PCDHA3: variants seen among roughly 807,000 people sequenced by gnomAD.
The protein encoded by PCDHA3 is protocadherin alpha 3.
In PCDHA3, 41 loss-of-function variants were observed where a neutral mutation model predicts 62.2. That is an observed-to-expected ratio of 0.66 (90% CI 0.51 to 0.86). The LOEUF (loss-of-function observed/expected upper bound fraction) is 0.86. Ranked by LOEUF, PCDHA3 falls within the 40% of genes least tolerant of loss-of-function variation. The pLI, the probability that PCDHA3 is intolerant of heterozygous loss-of-function variation, is 0.00. For missense variants in PCDHA3, 1,304 were observed against 1,241.2 expected (o/e 1.05, Z -0.76); for synonymous variants, 640 against 555.4 (o/e 1.15, Z -2.14).
intron 1 of PCDHA3, chr5:140,829,142 G>A (rs2150162942): frequency 1.2e-6 from 2 of 1,613,390 alleles, no homozygotes; most frequent in South Asian, 1.1e-5. Flanking sequence ...CCCTGAGATA[G>A]CACTGACTTC....
intron 1 of PCDHA3, among the ~76,000 whole-genome samples, chr5:140,965,764 A>G (rs2095932618): frequency 6.6e-6 from 1 of 152,258 alleles, no homozygotes; most frequent in Non-Finnish European, 1.5e-5. Flanking sequence ...AATGGGTCAA[A>G]TAATAGATTT....
intron 1 of PCDHA3, among the ~76,000 whole-genome samples, chr5:140,914,476 G>C (rs1054000684): frequency 6.6e-6 from 1 of 152,140 alleles, no homozygotes; most frequent in Non-Finnish European, 1.5e-5. Context: ...CTTCATAGGT[G>C]AAGTGTTTCT....
chr5:140,882,066 T>G (rs1198525083), intron 1 of PCDHA3: 1 of 845,446 alleles, frequency 1.2e-6, no homozygotes, highest in East Asian at 2.7e-5. Context: ...TACACGTTCA[T>G]GCGCATGGTG....
rs199848124 is a variant in PCDHA3 at position 140,875,823 on chromosome 5, C to T, written c.2394+72232C>T. 3,681 of 1,614,172 alleles carry T rather than the reference C, an allele frequency of 2.3e-3. 15 individuals carry two copies. Among genetic ancestry groups the T allele is most frequent in the Middle Eastern group, 9.6e-3 (58 of 6,062 alleles). The stretch of plus-strand genomic sequence containing the variant: ...TCGTGGACAGGCCGCTGCAGGTTTT[C>T]CATGTGGACGTGGAGGTGAAGGACA... On this transcript the variant is annotated intron_variant, in intron 1 of 3. Transcript: ENST00000522353.
intron 1 of PCDHA3, chr5:140,851,988 A>G: frequency 1.0e-6 from 1 of 975,740 alleles, no homozygotes. Flanking sequence ...AGTGCAAGCT[A>G]TTTGTTTGTT....
At chr5:140,808,464 C>A in intron 1 of PCDHA3, 1 of 1,614,164 alleles carries the variant, frequency 6.2e-7, no homozygotes, top group Non-Finnish European at 8.5e-7. Context: ...CTGGTGGTGA[C>A]CGCGCGAGAC....
At chr5:140,937,386 G>T (rs1450799946) in intron 1 of PCDHA3, among the ~76,000 whole-genome samples, 2 of 152,092 alleles carry the variant, frequency 1.3e-5, no homozygotes, top group African/African-American at 4.8e-5. Context: ...GTGTGTATGT[G>T]TATATAGGGG....
chr5:140,943,581 G>A (rs1022140100), intron 1 of PCDHA3, among the ~76,000 whole-genome samples: 1 of 152,168 alleles, frequency 6.6e-6, no homozygotes, highest in Non-Finnish European at 1.5e-5. Flanking sequence ...GTTGATCTGA[G>A]TGGGGCTGAA....
intron 1 of PCDHA3, among the ~76,000 whole-genome samples, chr5:140,826,743 G>GA (rs1245871105): frequency 1.3e-5 from 2 of 152,122 alleles, no homozygotes; most frequent in African/African-American, 4.8e-5. Flanking sequence ...TATATTGTCA[G>GA]AAAAATAAGA....
intron 1 of PCDHA3, among the ~76,000 whole-genome samples, chr5:140,879,327 A>G (rs2057945221): frequency 6.6e-6 from 1 of 152,232 alleles, no homozygotes; most frequent in South Asian, 2.1e-4. Context: ...TCACTTTTTT[A>G]GTTTGTTCAG....
chr5:140,822,736 G>A, intron 1 of PCDHA3: 1 of 1,613,386 alleles, frequency 6.2e-7, no homozygotes, highest in Non-Finnish European at 8.5e-7. Context: ...TAATATTGAT[G>A]CCATGGATAA....
chr5:140,980,317 A>G (rs1435571559), intron 2 of PCDHA3, among the ~76,000 whole-genome samples: 1 of 152,194 alleles, frequency 6.6e-6, no homozygotes, highest in Non-Finnish European at 1.5e-5. Context: ...TAAAAACTAC[A>G]TTTGAAATAA....
At chr5:140,884,368 G>T (rs2060127258) in intron 1 of PCDHA3, 1 of 1,613,864 alleles carries the variant, frequency 6.2e-7, no homozygotes, top group Non-Finnish European at 8.5e-7. Context: ...ATGTTTACTT[G>T]ATCATTGCCA....
chr5:140,882,681 A>G, intron 1 of PCDHA3: 1 of 1,614,176 alleles, frequency 6.2e-7, no homozygotes, highest in Non-Finnish European at 8.5e-7. Context: ...GAAAGCAAGA[A>G]ACGAATAATC....
rs547166699 is a variant in PCDHA3 at position 140,982,068 on chromosome 5, TTAGAG to T, written c.2454-401_2454-397del. On this transcript the variant is annotated intron_variant, in intron 2 of 3. Transcript: ENST00000522353. ...AAAATATTTTAGTGTGTTTTCTTCT[TTAGAG>T]TAGAGAACCTAGGAACAAGAGAACC... 3.5e-3 allele frequency among the ~76,000 whole-genome samples: 532 copies of T among 152,340 alleles called. 2 individuals carry two copies. Among genetic ancestry groups the T allele is most frequent in the Non-Finnish European group, 5.4e-3 (369 of 68,028 alleles).
chr5:140,849,689 G>A, intron 1 of PCDHA3: 1 of 1,598,668 alleles, frequency 6.3e-7, no homozygotes, highest in South Asian at 1.1e-5. Context: ...TCAAGCTGGT[G>A]TCCACCTACA....
At chr5:140,931,779 T>G (rs1298337220) in intron 1 of PCDHA3, among the ~76,000 whole-genome samples, 1 of 152,006 alleles carries the variant, frequency 6.6e-6, no homozygotes, top group African/African-American at 2.4e-5. Context: ...CCTGTTCAAT[T>G]ACCTATTGAT....
intron 1 of PCDHA3, chr5:140,869,485 G>A: frequency 6.2e-7 from 1 of 1,614,158 alleles, no homozygotes; most frequent in Non-Finnish European, 8.5e-7. Context: ...GGACATTAAC[G>A]ACAACCCGCC....
intron 1 of PCDHA3, chr5:140,884,397 T>C: frequency 6.2e-7 from 1 of 1,613,992 alleles, no homozygotes; most frequent in South Asian, 1.1e-5. Flanking sequence ...GTGTCCAGCC[T>C]GTTGGTGCTC....
Sources: allele counts gnomAD v4.1 joint callset (sites outside exome capture counted in the v4.1 genomes callset), GRCh38; gene constraint gnomAD v4.1.1; transcripts MANE v1.5; gene names NCBI Gene and HGNC (gene_info 2026-07-23, HGNC 2026-07-21).